The following KALRN variants were observed in gnomAD, a reference collection of about 807,000 sequenced individuals.
KALRN encodes the protein kalirin RhoGEF kinase.
Under a neutral mutation model 353.7 loss-of-function variants are expected in KALRN, and 70 were observed. That is an observed-to-expected ratio of 0.20 (90% confidence interval 0.16 to 0.24). KALRN has a LOEUF of 0.24. KALRN is among the 10% of genes least tolerant of loss of function. The pLI is 1.00. For missense variants in KALRN, 2,791 were observed against 3,756.7 expected, an observed-to-expected ratio of 0.74 and a Z score of 6.72; for synonymous variants, 1,391 against 1,434.8, an observed-to-expected ratio of 0.97 and a Z score of 0.69.
rs58613752 is a variant in KALRN, at chr3:124,152,593, C to CT, written c.74-75379dup. The CT allele has an allele frequency of 8.9e-3, 502 of 56,536 alleles. 1 individual carries two copies. Among genetic ancestry groups the CT allele is most frequent in the African/African-American group, 0.021 (371 of 17,464 alleles). 3.5% of individuals were successfully genotyped at this position (56,536 alleles called of 1,614,324 possible). A position where few individuals can be genotyped will look rare whatever the true frequency, so the allele number is the denominator to read the frequency against. On this transcript the variant is annotated intron_variant, in intron 1 of 59. Coordinates refer to ENST00000682506, the MANE Select transcript of KALRN (RefSeq NM_001388419.1). ...TTTTCTTTTCTTTCTTTCTTTCTTT[C>CT]TTTTTTTTTTTTTTTTTTGAGACAG...
intron 34 of KALRN, among the ~76,000 whole-genome samples, chr3:124,597,788 T>TA (rs5852419): frequency 7.0e-5 from 10 of 142,006 alleles, no homozygotes; most frequent in African/African-American, 1.7e-4. Context: ...AATATGAGAT[T>TA]AAAAAAAAAC....
intron 34 of KALRN, among the ~76,000 whole-genome samples, chr3:124,605,131 G>A (rs1007567876): frequency 2.0e-5 from 3 of 150,000 alleles, no homozygotes; most frequent in Admixed American, 2.0e-4. Flanking sequence ...CTATTGCACT[G>A]CACAGGGTCT....
At chr3:124,229,446 G>A (rs777528301) in intron 2 of KALRN, among the ~76,000 whole-genome samples, 5 of 152,244 alleles carry the variant, frequency 3.3e-5, no homozygotes, top group East Asian at 1.9e-4. Context: ...AACATGCCAC[G>A]TGCTTATACC....
intron 55 of KALRN, among the ~76,000 whole-genome samples, chr3:124,698,261 C>T (rs978723829): frequency 1.3e-5 from 2 of 152,238 alleles, no homozygotes; most frequent in Non-Finnish European, 2.9e-5. Context: ...CAGGCGTAAG[C>T]CACCGCGCCC....
chr3:124,672,504 C>G (rs1353602497), intron 48 of KALRN, among the ~76,000 whole-genome samples: 2 of 152,170 alleles, frequency 1.3e-5, no homozygotes, highest in Admixed American at 6.5e-5. Flanking sequence ...TGATCTGCCT[C>G]GAGCACCTAC....
intron 33 of KALRN, among the ~76,000 whole-genome samples, chr3:124,503,388 G>A (rs1308760187): frequency 6.6e-6 from 1 of 151,494 alleles, no homozygotes; most frequent in East Asian, 1.9e-4. Flanking sequence ...TTTTCTCAAG[G>A]ACTTGATATT....
intron 33 of KALRN, among the ~76,000 whole-genome samples, chr3:124,539,437 A>G (rs1396594611): frequency 3.9e-5 from 6 of 152,208 alleles, no homozygotes; most frequent in Non-Finnish European, 5.9e-5. Context: ...AAGGATGAGC[A>G]TGACAATAAT....
chr3:124,680,939 C>T (rs1381595656), intron 51 of KALRN, among the ~76,000 whole-genome samples: 1 of 152,174 alleles, frequency 6.6e-6, no homozygotes, highest in African/African-American at 2.4e-5. Context: ...AGGATAGGCA[C>T]CAGCTCTCCT....
intron 9 of KALRN, among the ~76,000 whole-genome samples, chr3:124,338,620 G>T (rs2081368540): frequency 6.6e-6 from 1 of 152,182 alleles, no homozygotes; most frequent in Non-Finnish European, 1.5e-5. Flanking sequence ...CTGTTGATTT[G>T]GGGTGGAGAG....
At chr3:124,516,152 T>G (rs1198990635) in intron 33 of KALRN, among the ~76,000 whole-genome samples, 1 of 152,218 alleles carries the variant, frequency 6.6e-6, no homozygotes, top group Admixed American at 6.5e-5. Context: ...AGGGACAGGA[T>G]AGATTCTTAT....
chr3:124,281,478 G>T (rs1460157761), intron 5 of KALRN, among the ~76,000 whole-genome samples: 1 of 152,186 alleles, frequency 6.6e-6, no homozygotes. Context: ...ATCCCTCAGG[G>T]CATTCTCTTC....
At chr3:124,477,994 G>A (rs1456892656) in intron 27 of KALRN, among the ~76,000 whole-genome samples, 1 of 152,192 alleles carries the variant, frequency 6.6e-6, no homozygotes, top group Non-Finnish European at 1.5e-5. Flanking sequence ...AGAAGAGTGA[G>A]GCTGATGTGC....
intron 7 of KALRN, among the ~76,000 whole-genome samples, chr3:124,329,238 C>A (rs545352569): frequency 6.6e-6 from 1 of 152,202 alleles, no homozygotes; most frequent in Non-Finnish European, 1.5e-5. Flanking sequence ...TATATCACAA[C>A]CTGGGATGCA....
chr3:124,276,418 C>T (rs1465674021), intron 5 of KALRN, among the ~76,000 whole-genome samples: 5 of 152,120 alleles, frequency 3.3e-5, no homozygotes. Context: ...CTGGTCACTC[C>T]CTAGAGCCCA....
intron 3 of KALRN, among the ~76,000 whole-genome samples, chr3:124,238,168 G>A (rs1178941195): frequency 1.3e-5 from 2 of 152,090 alleles, no homozygotes; most frequent in Non-Finnish European, 2.9e-5. Context: ...GCACATTAAG[G>A]CACCCACAAT....
chr3:124,664,393 A>C (rs1465980242), intron 45 of KALRN, among the ~76,000 whole-genome samples: 1 of 144,088 alleles, frequency 6.9e-6, no homozygotes, highest in Admixed American at 7.0e-5. Flanking sequence ...ATATAAGGGC[A>C]CCCACAAGCA....
chr3:124,241,374 A>T (rs1342280728), intron 3 of KALRN, among the ~76,000 whole-genome samples: 2 of 152,204 alleles, frequency 1.3e-5, no homozygotes. Context: ...CATAATTTAG[A>T]GTGAAAAAGA....
chr3:124,106,742 T>C (rs946808563), intron 1 of KALRN, among the ~76,000 whole-genome samples: 1 of 152,222 alleles, frequency 6.6e-6, no homozygotes, highest in African/African-American at 2.4e-5. Flanking sequence ...AATTATCGGC[T>C]GAGCCTGGAT....
intron 13 of KALRN, among the ~76,000 whole-genome samples, chr3:124,409,180 T>A (rs751386428): frequency 6.6e-6 from 1 of 152,022 alleles, no homozygotes; most frequent in Non-Finnish European, 1.5e-5. Flanking sequence ...CTAGAGCAAG[T>A]GGGGAACTGA....
Sources: gnomAD v4.1 joint callset for allele counts (sites outside exome capture counted in the v4.1 genomes callset) on GRCh38, gnomAD v4.1.1 for gene constraint, MANE v1.5 for transcripts, NCBI Gene and HGNC (gene_info 2026-07-23, HGNC 2026-07-21) for gene names.